MTG1: variants seen among roughly 807,000 people sequenced by gnomAD.
MTG1 encodes mitochondrial ribosome associated GTPase 1.
Under a neutral mutation model 39.5 loss-of-function variants are expected in MTG1, and 30 were observed. The observed-to-expected ratio is 0.76, with a 90% CI of 0.57 to 1.03. The LOEUF (loss-of-function observed/expected upper bound fraction) is 1.03. MTG1 is among the 50% of genes least tolerant of loss of function. MTG1 has a pLI of 0.00. For synonymous variants in MTG1, 217 were observed against 179.0 expected, an observed-to-expected ratio of 1.21 and a Z score of -1.69; for missense variants, 513 against 447.4, an observed-to-expected ratio of 1.15 and a Z score of -1.32.
At chr10:133,408,955 G>T (rs1338554238) in intron 9 of MTG1, among the ~76,000 whole-genome samples, 1 of 150,224 alleles carries the variant, frequency 6.7e-6, no homozygotes, top group Non-Finnish European at 1.5e-5. Flanking sequence ...CTAAATGTTT[G>T]TGGATTTTGT....
chr10:133,394,341 C>A lies in MTG1; in HGVS notation c.112+9C>A. ...GGGCCACATGGCCAAGGGTGAGGCA[C>A]GGCGGGGAGGGGCAAGGTCATGCCT... On this transcript the variant is annotated intron_variant, in intron 1 of 10. Coordinates refer to ENST00000317502, the MANE Select transcript of MTG1 (RefSeq NM_138384.4). 1.3e-6 allele frequency: 2 copies of A among 1,490,998 alleles called. No individual in the cohort carries two copies. The highest frequency in any genetic ancestry group is 1.5e-5 in the African/African-American group (1 of 68,746). The allele number at this position is 1,490,998 out of a possible 1,614,324, so 92.4% of individuals were successfully genotyped here.
At chr10:133,399,126 G>C in intron 4 of MTG1, 44 bp from the exon 5 acceptor site, 1 of 1,612,760 alleles carries the variant, frequency 6.2e-7, no homozygotes, top group Non-Finnish European at 8.5e-7. Context: ...TCAGTGCACA[G>C]ACGTCCGACC....
rs940592603 is a variant in MTG1 at position 133,394,616 on chromosome 10, C to T, written c.112+284C>T. 50 of 1,280,614 alleles carry T rather than the reference C, an allele frequency of 3.9e-5. No individual in the cohort carries two copies. The Admixed American group carries it at 6.6e-4, about 17-fold the overall frequency. The allele number at this position is 1,280,614 out of a possible 1,614,324, so 79.3% of individuals were successfully genotyped here. A position where few individuals can be genotyped will look rare whatever the true frequency, so the allele number is the denominator to read the frequency against. On this transcript the variant is annotated intron_variant, in intron 1 of 10. Coordinates refer to ENST00000317502, the MANE Select transcript of MTG1 (RefSeq NM_138384.4). ...CCTACCTCTGGCCCGCCGCCCCTGT[C>T]CTCTGTTCCCAGCAAGTTCCTTCTG...
At chr10:133,412,199 T>C (rs1446866200) in intron 9 of MTG1, among the ~76,000 whole-genome samples, 2 of 152,204 alleles carry the variant, frequency 1.3e-5, no homozygotes, top group Non-Finnish European at 2.9e-5. Flanking sequence ...ACTGGATGTT[T>C]GGTTTTGGTT....
At chr10:133,404,488 A>ACTT (rs1554891467) in intron 9 of MTG1, among the ~76,000 whole-genome samples, 19 of 151,946 alleles carry the variant, frequency 1.3e-4, no homozygotes, top group Non-Finnish European at 2.1e-4. Flanking sequence ...GTTTGTAAAT[A>ACTT]CTTTAAGTCT....
rs1201292437 is a variant in MTG1 at position 133,420,362 on chromosome 10, G to C, written c.*197G>C. ...CCAAGCAGGTGGGAGTGGACACCAG[G>C]CTTCCCAGTGGACGTCCCTGAGCAG... On this transcript the variant is annotated 3_prime_UTR_variant, in exon 11 of 11. Coordinates refer to ENST00000317502, the MANE Select transcript of MTG1 (RefSeq NM_138384.4). 7.1e-6 allele frequency: 4 copies of C among 561,200 alleles called. No individual in the cohort carries two copies. The highest frequency in any genetic ancestry group is 1.2e-5 in the Non-Finnish European group (4 of 337,644). 34.8% of individuals were successfully genotyped at this position (561,200 alleles called of 1,614,324 possible). A position where few individuals can be genotyped will look rare whatever the true frequency, so the allele number is the denominator to read the frequency against.
At chr10:133,410,878 C>T (rs556056737) in intron 9 of MTG1, among the ~76,000 whole-genome samples, 2 of 152,134 alleles carry the variant, frequency 1.3e-5, no homozygotes, top group African/African-American at 4.8e-5. Context: ...GCATCTTTCC[C>T]CCAAATTTTC....
At chr10:133,418,937 C>T (rs531242315) in intron 9 of MTG1, among the ~76,000 whole-genome samples, 4 of 152,314 alleles carry the variant, frequency 2.6e-5, no homozygotes, top group African/African-American at 4.8e-5. Flanking sequence ...CGCTTAGCAG[C>T]GGTGGGTGCC....
chr10:133,421,229 A>G lies in MTG1; in HGVS notation c.*1064A>G, dbSNP rs974461149. 6.5e-6 allele frequency: 1 copy of G among 152,786 alleles called. No individual in the cohort carries two copies. Among genetic ancestry groups the G allele is most frequent in the African/African-American group, 2.4e-5 (1 of 41,466 alleles). 9.5% of individuals were successfully genotyped at this position (152,786 alleles called of 1,614,324 possible). The stretch of plus-strand genomic sequence containing the variant: ...AAGTTAGCCCCTGAGTGCCACCTGC[A>G]TCGTGCCATAACCCTGACCGCCTGG... On this transcript the variant is annotated 3_prime_UTR_variant, in exon 11 of 11. Coordinates refer to ENST00000317502, the MANE Select transcript of MTG1 (RefSeq NM_138384.4).
intron 9 of MTG1, among the ~76,000 whole-genome samples, chr10:133,405,275 T>A (rs1849954001): frequency 6.6e-6 from 1 of 152,260 alleles, no homozygotes; most frequent in South Asian, 2.1e-4. Context: ...AGATTTATCT[T>A]TTGATACAAA....
chr10:133,413,423 G>T (rs571750551), intron 9 of MTG1, among the ~76,000 whole-genome samples: 23 of 150,778 alleles, frequency 1.5e-4, no homozygotes, highest in South Asian at 4.2e-4. Flanking sequence ...TAATTTTTTT[G>T]TGTGTTTTTA....
intron 9 of MTG1, among the ~76,000 whole-genome samples, chr10:133,416,649 C>A (rs1163688786): frequency 7.0e-6 from 1 of 142,386 alleles, no homozygotes; most frequent in Non-Finnish European, 1.5e-5. Flanking sequence ...TGAGAATATG[C>A]GGTGTTTGGT....
intron 9 of MTG1, among the ~76,000 whole-genome samples, chr10:133,416,158 A>ATCTGC (rs1320790273): frequency 6.6e-6 from 1 of 152,054 alleles, no homozygotes; most frequent in African/African-American, 2.4e-5. Flanking sequence ...TTCTTCTGCA[A>ATCTGC]TGTATAATCT....
rs754692466 is a variant in MTG1, at chr10:133,418,899, C to T, written c.753-581C>T. On this transcript the variant is annotated intron_variant, in intron 9 of 10. Coordinates refer to ENST00000317502, the MANE Select transcript of MTG1 (RefSeq NM_138384.4). Reference sequence around the variant, plus strand: ...GCCCAGAGCCTGCACTGTGAGGAGTCAGAGTGCCCGTTACAATCACTGGGT... The same window carrying T: ...GCCCAGAGCCTGCACTGTGAGGAGTTAGAGTGCCCGTTACAATCACTGGGT... 5.3e-5 allele frequency among the ~76,000 whole-genome samples: 8 copies of T among 152,314 alleles called. No homozygotes were observed. The East Asian group carries it at 9.7e-4, about 18-fold the overall frequency.
Position 133,394,187 on chromosome 10 carries a change from C to G in MTG1, c.-34C>G, listed in dbSNP as rs913763584. On this transcript the variant is annotated 5_prime_UTR_variant, in exon 1 of 11. Coordinates refer to ENST00000317502, the MANE Select transcript of MTG1 (RefSeq NM_138384.4). ...CGGGTCGCAGCGGCGCAGAGGAGGT[C>G]AGCTGCGGGAGCGTTTCCGGGGACG... is the stretch of plus-strand genomic sequence containing the variant. 1.4e-6 allele frequency: 2 copies of G among 1,476,490 alleles called. No individual in the cohort carries two copies. Among genetic ancestry groups the G allele is most frequent in the Non-Finnish European group, 1.8e-6 (2 of 1,104,016 alleles). The allele number at this position is 1,476,490 out of a possible 1,614,324, so 91.5% of individuals were successfully genotyped here.
intron 1 of MTG1, 111 bp downstream of exon 1, chr10:133,394,443 C>A: frequency 7.6e-7 from 1 of 1,322,738 alleles, no homozygotes; most frequent in Non-Finnish European, 9.8e-7. Flanking sequence ...CTGGGCTGGC[C>A]CCGCCCCTCC....
In MTG1 at chr10:133,398,084, G is replaced by A. The variant is rs912725105; in HGVS notation, c.283-351G>A. 9.2e-5 allele frequency among the ~76,000 whole-genome samples: 14 copies of A among 152,248 alleles called. 1 individual carries two copies. The highest frequency in any genetic ancestry group is 3.9e-4 in the Admixed American group (6 of 15,290). On this transcript the variant is annotated intron_variant, in intron 3 of 10. Coordinates refer to ENST00000317502, the MANE Select transcript of MTG1 (RefSeq NM_138384.4). ...TGTCTTATGTTTGATCTCTCCATCC[G>A]TGTCATCTTCGTGGACAGCTAAATA...
At chr10:133,417,869 A>G (rs908105225) in intron 9 of MTG1, among the ~76,000 whole-genome samples, 109 of 152,354 alleles carry the variant, frequency 7.2e-4, no homozygotes, top group Non-Finnish European at 6.6e-4. Context: ...TCAATGAAAT[A>G]AAAGAGAATA....
chr10:133,417,248 C>T (rs1850145783), intron 9 of MTG1, among the ~76,000 whole-genome samples: 1 of 151,428 alleles, frequency 6.6e-6, no homozygotes, highest in Admixed American at 6.6e-5. Flanking sequence ...AAATGTAATC[C>T]AGCATATAAA....
Sources: allele counts gnomAD v4.1 joint callset (sites outside exome capture counted in the v4.1 genomes callset), GRCh38; gene constraint gnomAD v4.1.1; transcripts MANE v1.5; gene names NCBI Gene and HGNC (gene_info 2026-07-23, HGNC 2026-07-21).